The following GALNT18 variants were observed in gnomAD, a reference collection of about 807,000 sequenced individuals.
GALNT18 encodes polypeptide N-acetylgalactosaminyltransferase 18, also known as GalNAc-transferase 18.
In GALNT18, 44 loss-of-function variants were observed where a neutral mutation model predicts 69.5. That is an observed-to-expected ratio of 0.63 (90% CI 0.50 to 0.81). The LOEUF (loss-of-function observed/expected upper bound fraction) is 0.81, where lower values mean the gene tolerates loss of function less well. Ranked by LOEUF, GALNT18 falls within the 40% of genes least tolerant of loss-of-function variation. The probability of loss-of-function intolerance (pLI) is 0.00; values close to 1 mark genes in which losing one functional copy is unlikely to be tolerated. For missense variants in GALNT18, 715 were observed against 810.0 expected, an observed-to-expected ratio of 0.88 and a Z score of 1.42; for synonymous variants, 364 against 318.2, an observed-to-expected ratio of 1.14 and a Z score of -1.53.
chr11:11,401,276 A>G (rs555665418), intron 3 of GALNT18, among the ~76,000 whole-genome samples: 1 of 152,310 alleles, frequency 6.6e-6, no homozygotes, highest in South Asian at 2.1e-4. Flanking sequence ...CAGAAAATTT[A>G]TCTCCTTTCC....
Position 11,562,931 on chromosome 11 carries a change from C to A in GALNT18, c.235+58428G>T, listed in dbSNP as rs1354415726. ...CAGGCTTCATTCAGCACCCCCACAG[C>A]CCTCAAGTTCACAGATCGGAAGAGA... On this transcript the variant is annotated intron_variant, in intron 1 of 10. Transcript: ENST00000227756. The surrounding 1 kb of genome is among the most constrained non-coding windows in gnomAD (Gnocchi z 4.1). Among the ~76,000 whole-genome samples, 2 of 152,188 alleles carry A rather than the reference C, an allele frequency of 1.3e-5. No individual in the cohort carries two copies. Among genetic ancestry groups the A allele is most frequent in the African/African-American group, 2.4e-5 (1 of 41,442 alleles).
At chr11:11,474,594 A>G (rs1856347572) in intron 1 of GALNT18, among the ~76,000 whole-genome samples, 1 of 152,218 alleles carries the variant, frequency 6.6e-6, no homozygotes, top group Admixed American at 6.5e-5. Flanking sequence ...TGATGCTAGT[A>G]GTATTGGATA....
At chr11:11,352,214 G>C in intron 6 of GALNT18, 2 of 1,613,894 alleles carry the variant, frequency 1.2e-6, no homozygotes, top group African/African-American at 2.7e-5. Flanking sequence ...GCAGCAGTTT[G>C]TCCAGGAAAT....
chr11:11,381,465 G>T lies in GALNT18; in HGVS notation c.596-2201C>A, dbSNP rs553833900. 5.2e-4 allele frequency among the ~76,000 whole-genome samples: 79 copies of T among 152,258 alleles called. 1 individual carries two copies. Among genetic ancestry groups the T allele is most frequent in the South Asian group, 2.5e-3 (12 of 4,812 alleles). On this transcript the variant is annotated intron_variant, in intron 3 of 10. Coordinates refer to ENST00000227756, the MANE Select transcript of GALNT18 (RefSeq NM_198516.3). The stretch of plus-strand genomic sequence containing the variant: ...GTTGACTCCTGCCAATACCTACCAT[G>T]ACTAAGGTATTGATGGGAGGAGGCT...
At position 11,413,339 on chromosome 11, in the gene GALNT18, C is replaced by T. The variant is rs563137897; in HGVS notation, c.595+19282G>A. Among the ~76,000 whole-genome samples, 2 of 152,322 alleles carry T rather than the reference C, an allele frequency of 1.3e-5. No homozygotes were observed. The highest frequency in any genetic ancestry group is 1.9e-4 in the East Asian group (1 of 5,182). On this transcript the variant is annotated intron_variant, in intron 3 of 10. Coordinates refer to ENST00000227756, the MANE Select transcript of GALNT18 (RefSeq NM_198516.3). The surrounding 1 kb of genome is among the most constrained non-coding windows in gnomAD (Gnocchi z 4.7). ...GAAGCAATAGTCTGGCCAAACATCCCTCTGGAGGTGCAGATGCCCCATTAG... is the reference window on the plus strand; with the variant it reads ...GAAGCAATAGTCTGGCCAAACATCCTTCTGGAGGTGCAGATGCCCCATTAG...
At chr11:11,352,263 T>C (rs747145401) in intron 6 of GALNT18, 13 of 1,613,986 alleles carry the variant, frequency 8.1e-6, no homozygotes, top group South Asian at 2.2e-5. Flanking sequence ...ATTTTCACTG[T>C]GGACAAAGCG....
intron 1 of GALNT18, among the ~76,000 whole-genome samples, chr11:11,502,144 C>T (rs896487544): frequency 6.6e-6 from 1 of 152,134 alleles, no homozygotes; most frequent in Non-Finnish European, 1.5e-5. Flanking sequence ...CCTCTGAGCT[C>T]AGCTCAGCAC....
chr11:11,481,022 C>T (rs777819337), intron 1 of GALNT18, among the ~76,000 whole-genome samples: 7 of 152,144 alleles, frequency 4.6e-5, no homozygotes, highest in Non-Finnish European at 8.8e-5. Flanking sequence ...TCATCTTCTC[C>T]AAGTTCCTCA....
chr11:11,393,813 C>T (rs192336018), intron 3 of GALNT18, among the ~76,000 whole-genome samples: 7 of 152,332 alleles, frequency 4.6e-5, no homozygotes, highest in East Asian at 3.9e-4. Context: ...GAACATACAT[C>T]GTCATAGTCC....
intron 10 of GALNT18, among the ~76,000 whole-genome samples, chr11:11,279,624 G>A (rs552781178): frequency 2.6e-5 from 4 of 152,032 alleles, no homozygotes; most frequent in South Asian, 4.2e-4. Context: ...ATACAATGTC[G>A]AGCAGAAGCA....
At chr11:11,283,583 C>T (rs1849131288) in intron 10 of GALNT18, among the ~76,000 whole-genome samples, 4 of 152,190 alleles carry the variant, frequency 2.6e-5, no homozygotes, top group Non-Finnish European at 5.9e-5. Flanking sequence ...TCCTCACTCG[C>T]AGGGTCCAAC....
Position 11,318,616 on chromosome 11 carries a change from G to A in GALNT18, c.1512+8470C>T, listed in dbSNP as rs529029620. On this transcript the variant is annotated intron_variant, in intron 9 of 10. Transcript: ENST00000227756. This position sits in a 1 kb window ranked among gnomAD's most constrained non-coding sequence, Gnocchi z 5.1. ...CTCGCAGCTTGTGGTACTTTGTTAC[G>A]GAAGCCCTGGGAAACTTCTGCAGGG... 2.6e-5 allele frequency among the ~76,000 whole-genome samples: 4 copies of A among 152,226 alleles called. No homozygotes were observed. The highest frequency in any genetic ancestry group is 4.1e-4 in the South Asian group (2 of 4,824).
chr11:11,614,738 C>T lies in GALNT18; in HGVS notation c.235+6621G>A, dbSNP rs1565043068. 6.6e-6 allele frequency among the ~76,000 whole-genome samples: 1 copy of T among 152,188 alleles called. No individual in the cohort carries two copies. Among genetic ancestry groups the T allele is most frequent in the Non-Finnish European group, 1.5e-5 (1 of 68,042 alleles). On this transcript the variant is annotated intron_variant, in intron 1 of 10. Coordinates refer to ENST00000227756, the MANE Select transcript of GALNT18 (RefSeq NM_198516.3). This position sits in a 1 kb window ranked among gnomAD's most constrained non-coding sequence, Gnocchi z 5.6. ...AAGTGACTAAAGCTGAACTTCAAGG[C>T]CCTCATAAATGACAAAACCAGACGT...
At chr11:11,520,718 G>A (rs1008457606) in intron 1 of GALNT18, among the ~76,000 whole-genome samples, 1 of 152,200 alleles carries the variant, frequency 6.6e-6, no homozygotes, top group Non-Finnish European at 1.5e-5. Context: ...ACCACGATGG[G>A]AGGGTTAAAG....
chr11:11,338,928 G>A lies in GALNT18; in HGVS notation c.1278+1891C>T, dbSNP rs558715465. 6.6e-6 allele frequency among the ~76,000 whole-genome samples: 1 copy of A among 152,220 alleles called. No individual in the cohort carries two copies. The highest frequency in any genetic ancestry group is 1.9e-4 in the East Asian group (1 of 5,170). The stretch of plus-strand genomic sequence containing the variant: ...AATCATGGACCCAAGGAGCTACAGA[G>A]ATTCAAGGAAAAGGTGAAATCCTAT... On this transcript the variant is annotated intron_variant, in intron 7 of 10. Transcript: ENST00000227756. This position sits in a 1 kb window ranked among gnomAD's most constrained non-coding sequence, Gnocchi z 5.3.
chr11:11,568,604 G>C (rs1858709061), intron 1 of GALNT18, among the ~76,000 whole-genome samples: 1 of 152,122 alleles, frequency 6.6e-6, no homozygotes, highest in Admixed American at 6.5e-5. Flanking sequence ...TCCACACCAA[G>C]AGCCAATGGA....
Position 11,459,232 on chromosome 11 carries a change from CA to C in GALNT18, c.236-10297del, listed in dbSNP as rs1855987257. 6.6e-6 allele frequency among the ~76,000 whole-genome samples: 1 copy of C among 152,098 alleles called. No individual in the cohort carries two copies. The highest frequency in any genetic ancestry group is 1.5e-5 in the Non-Finnish European group (1 of 68,032). ...CAAACATGAGCCGAAGGTCTTTTGC[CA>C]ATGGTCCCCACAATTAGGCTTTCTC... On this transcript the variant is annotated intron_variant, in intron 1 of 10. Transcript: ENST00000227756. This position sits in a 1 kb window ranked among gnomAD's most constrained non-coding sequence, Gnocchi z 5.0.
chr11:11,377,089 G>A lies in GALNT18; in HGVS notation c.977+93C>T. Reference sequence around the variant, plus strand: ...TGCCCACCCCTGTCATCCCCACGATGGGGCTCAAGTTGGAGAATAAGCATT... The same window carrying A: ...TGCCCACCCCTGTCATCCCCACGATAGGGCTCAAGTTGGAGAATAAGCATT... On this transcript the variant is annotated intron_variant, in intron 5 of 10. Transcript: ENST00000227756. The surrounding 1 kb of genome is among the most constrained non-coding windows in gnomAD (Gnocchi z 4.6). 7 of 1,236,096 alleles carry A rather than the reference G, an allele frequency of 5.7e-6. No homozygotes were observed. Among genetic ancestry groups the A allele is most frequent in the Non-Finnish European group, 3.5e-6 (3 of 859,908 alleles). The allele number at this position is 1,236,096 out of a possible 1,614,324, so 76.6% of individuals were successfully genotyped here.
At position 11,339,916 on chromosome 11, in the gene GALNT18, T is replaced by C. The variant is rs1335816734; in HGVS notation, c.1278+903A>G. On this transcript the variant is annotated intron_variant, in intron 7 of 10. Transcript: ENST00000227756. The surrounding 1 kb of genome is among the most constrained non-coding windows in gnomAD (Gnocchi z 5.2). ...TTCATATGATCACTTTGAGCGAAGA[T>C]CAATCACTTCCCCATTAGAAGCTTC... Among the ~76,000 whole-genome samples the C allele has an allele frequency of 6.6e-6, 1 of 152,124 alleles. No individual in the cohort carries two copies. Among genetic ancestry groups the C allele is most frequent in the Non-Finnish European group, 1.5e-5 (1 of 68,018 alleles).
Sources: gnomAD v4.1 joint callset for allele counts (sites outside exome capture counted in the v4.1 genomes callset) on GRCh38, gnomAD v4.1.1 for gene constraint, Gnocchi (gnomAD v3.1) non-coding constraint, MANE v1.5 for transcripts, NCBI Gene and HGNC (gene_info 2026-07-23, HGNC 2026-07-21) for gene names.